ERBIN: variants seen among roughly 807,000 people sequenced by gnomAD.
ERBIN encodes densin-180-like protein.
In ERBIN, 60 loss-of-function variants were observed where a neutral mutation model predicts 158.4. That is an observed-to-expected ratio of 0.38 (90% CI 0.31 to 0.47). The LOEUF (loss-of-function observed/expected upper bound fraction) is 0.47, where lower values mean the gene tolerates loss of function less well. Ranked by LOEUF, ERBIN falls within the 20% of genes least tolerant of loss-of-function variation. The pLI is 0.99. For synonymous variants in ERBIN, 594 were observed against 557.2 expected (o/e 1.07, Z -0.93); for missense variants, 1,610 against 1,648.0 (o/e 0.98, Z 0.40).
chr5:65,966,446 C>T (rs1208405178), intron 1 of ERBIN, among the ~76,000 whole-genome samples: 1 of 152,082 alleles, frequency 6.6e-6, no homozygotes, highest in African/African-American at 2.4e-5. Flanking sequence ...TTTGGGAGGC[C>T]AAGGTGGGCG....
At chr5:66,022,587 G>T (rs1483454312) in intron 8 of ERBIN, among the ~76,000 whole-genome samples, 2 of 152,188 alleles carry the variant, frequency 1.3e-5, no homozygotes, top group African/African-American at 4.8e-5. Flanking sequence ...TTTGTGAGGT[G>T]ATAGAAATAA....
intron 21 of ERBIN, among the ~76,000 whole-genome samples, chr5:66,062,463 T>A (rs1760507595): frequency 6.6e-6 from 1 of 152,168 alleles, no homozygotes; most frequent in Non-Finnish European, 1.5e-5. Context: ...TTCAAAGTTT[T>A]TAACTTCTTT....
chr5:65,974,861 C>A (rs1749684559), intron 1 of ERBIN, among the ~76,000 whole-genome samples: 1 of 152,238 alleles, frequency 6.6e-6, no homozygotes, highest in South Asian at 2.1e-4. Flanking sequence ...GCAAAGGAAA[C>A]TGAGGTTTGA....
chr5:66,037,394 C>T (rs1412053402), intron 14 of ERBIN, among the ~76,000 whole-genome samples: 1 of 152,100 alleles, frequency 6.6e-6, no homozygotes, highest in African/African-American at 2.4e-5. Context: ...CCCTCACCTC[C>T]TGACTTGGGG....
intron 10 of ERBIN, 156 bp from the exon 11 acceptor site, chr5:66,025,324 T>C (rs1469906181): frequency 1.5e-6 from 1 of 663,790 alleles, no homozygotes; most frequent in Non-Finnish European, 2.7e-6. Context: ...GATGAGGGAA[T>C]AGAACATTGG....
chr5:65,955,154 G>A (rs1007002366), intron 1 of ERBIN, among the ~76,000 whole-genome samples: 12 of 152,110 alleles, frequency 7.9e-5, no homozygotes, highest in East Asian at 7.7e-4. Context: ...AAAATGGTTC[G>A]GATTTTTAAA....
At chr5:66,028,175 C>G (rs1000949582) in intron 13 of ERBIN, 99 bp from the exon 14 acceptor site, 8 of 734,934 alleles carry the variant, frequency 1.1e-5, no homozygotes, top group Non-Finnish European at 1.7e-5. Context: ...TCATGTGCAA[C>G]TATATAGCAT....
chr5:66,030,034 GTTTTGT>G (rs779165719), intron 14 of ERBIN, among the ~76,000 whole-genome samples: 22 of 151,826 alleles, frequency 1.4e-4, no homozygotes, highest in Non-Finnish European at 2.4e-4. Context: ...CTTTATTAGA[GTTTTGT>G]TTTTGTTTTT....
At chr5:66,073,386 C>A (rs895716581) in intron 22 of ERBIN, among the ~76,000 whole-genome samples, 2 of 151,062 alleles carry the variant, frequency 1.3e-5, no homozygotes, top group Admixed American at 6.5e-5. Flanking sequence ...CTACAGTGAT[C>A]AAGTAATAAA....
At chr5:65,966,265 G>C (rs1447667177) in intron 1 of ERBIN, among the ~76,000 whole-genome samples, 1 of 152,206 alleles carries the variant, frequency 6.6e-6, no homozygotes, top group Non-Finnish European at 1.5e-5. Flanking sequence ...ACTGCCAGTT[G>C]TATAAAAGTA....
At chr5:66,020,289 G>C (rs993259585) in intron 7 of ERBIN, among the ~76,000 whole-genome samples, 3 of 152,010 alleles carry the variant, frequency 2.0e-5, no homozygotes, top group Non-Finnish European at 4.4e-5. Context: ...AAAAGCTGGA[G>C]AAATGTTGCA....
chr5:65,972,249 A>G (rs1317534740), intron 1 of ERBIN, among the ~76,000 whole-genome samples: 1 of 152,182 alleles, frequency 6.6e-6, no homozygotes, highest in African/African-American at 2.4e-5. Context: ...CCATATGTAT[A>G]TAAGTGTTTT....
At chr5:66,011,954 A>G (rs1162871596) in intron 4 of ERBIN, 95 bp from the exon 5 acceptor site, 1 of 683,510 alleles carries the variant, frequency 1.5e-6, no homozygotes, top group African/African-American at 1.8e-5. Context: ...TAATTGGTAT[A>G]TTACTTTAGA....
intron 21 of ERBIN, among the ~76,000 whole-genome samples, chr5:66,070,793 G>A (rs896047005): frequency 2.0e-5 from 3 of 152,008 alleles, no homozygotes; most frequent in Admixed American, 6.6e-5. Flanking sequence ...GATGTGTTGC[G>A]GATATAATTT....
Position 66,078,537 on chromosome 5 carries a change from TG to T in ERBIN, c.*9del. The T allele has an allele frequency of 6.3e-7, 1 of 1,576,798 alleles. No homozygotes were observed. The highest frequency in any genetic ancestry group is 8.7e-7 in the Non-Finnish European group (1 of 1,149,876). ...ACGAGAAGTTTCCTCATAAGCACTG[TG>T]GACAAAAAAAGCGGGGAAGACAGCA... On this transcript the variant is annotated 3_prime_UTR_variant, in exon 26 of 26. Transcript: ENST00000284037.
At chr5:65,928,346 C>T (rs1313604458) in intron 1 of ERBIN, among the ~76,000 whole-genome samples, 1 of 151,882 alleles carries the variant, frequency 6.6e-6, no homozygotes, top group East Asian at 1.9e-4. Flanking sequence ...AACTCATCTA[C>T]TTTATGATTT....
chr5:65,931,256 G>C (rs1743342446), intron 1 of ERBIN, among the ~76,000 whole-genome samples: 1 of 152,212 alleles, frequency 6.6e-6, no homozygotes, highest in South Asian at 2.1e-4. Context: ...ATAATGAGCT[G>C]TTTTTGGTTC....
At chr5:65,982,836 C>A (rs893182056) in intron 1 of ERBIN, among the ~76,000 whole-genome samples, 3 of 152,172 alleles carry the variant, frequency 2.0e-5, no homozygotes, top group African/African-American at 7.2e-5. Flanking sequence ...CCTATGAGAA[C>A]AGAAGCATGT....
At chr5:66,018,479 ATTATAT>A (rs1755109856) in intron 7 of ERBIN, among the ~76,000 whole-genome samples, 1 of 4,900 alleles carries the variant, frequency 2.0e-4, no homozygotes, top group East Asian at 2.0e-3. Flanking sequence ...TATATTATAT[ATTATAT>A]ATTATATTAT....
Sources: gnomAD v4.1 joint callset for allele counts (sites outside exome capture counted in the v4.1 genomes callset) on GRCh38, gnomAD v4.1.1 for gene constraint, MANE v1.5 for transcripts, NCBI Gene and HGNC (gene_info 2026-07-23, HGNC 2026-07-21) for gene names.